HK3: variants seen among roughly 807,000 people sequenced by gnomAD.
The protein encoded by HK3 is hexokinase-3.
HK3 carries 93 observed loss-of-function variants against 91.0 expected under a neutral mutation model. That is an observed-to-expected ratio of 1.02 (90% CI 0.86 to 1.21). HK3 has a LOEUF of 1.21. HK3 is among the 50% of genes most tolerant of loss of function. The pLI is 0.00. For missense variants in HK3, 1,235 were observed against 1,247.4 expected, an observed-to-expected ratio of 0.99 and a Z score of 0.15; for synonymous variants, 519 against 516.9, an observed-to-expected ratio of 1.00 and a Z score of -0.06.
intron 2 of HK3, among the ~76,000 whole-genome samples, chr5:176,894,161 C>A (rs1758849279): frequency 6.6e-6 from 1 of 152,178 alleles, no homozygotes; most frequent in Non-Finnish European, 1.5e-5. Flanking sequence ...GCACACCCAG[C>A]CTGGAGAGCC....
Position 176,881,374 on chromosome 5 carries a change from C to A in HK3, c.2555G>T (p.Arg852Leu). Residue 852 changes from arginine (R) to leucine (L), a missense_variant, in exon 18 of 19, where the codon CGG becomes CTG. This residue lies in a region of HK3 where 513 missense variants were observed against 477.4 expected (regional missense o/e 1.07). Transcript: ENST00000292432. ...AGVAAVVEKI[R>L]ENRGLEELAV... ...CAGCTCTTCCAGGCCCCGGTTCTCC[C>A]GGATCTTCTCCACCACGGCAGCTAC... is the stretch of plus-strand genomic sequence containing the variant. The A allele has an allele frequency of 5.6e-6, 9 of 1,613,944 alleles. No individual in the cohort carries two copies. The highest frequency in any genetic ancestry group is 7.6e-6 in the Non-Finnish European group (9 of 1,180,030).
chr5:176,896,580 T>TAATA (rs1438767709), intron 1 of HK3, among the ~76,000 whole-genome samples: 2 of 152,120 alleles, frequency 1.3e-5, no homozygotes, highest in African/African-American at 4.8e-5. Flanking sequence ...TGGCCACATG[T>TAATA]AATAGATGGA....
chr5:176,897,401 G>A (rs1379191677), intron 1 of HK3, among the ~76,000 whole-genome samples: 2 of 152,104 alleles, frequency 1.3e-5, no homozygotes, highest in Admixed American at 1.3e-4. Context: ...CCCAATATGG[G>A]AAGAGACATC....
chr5:176,888,252 G>T, intron 10 of HK3, 80 bp downstream of exon 10: 1 of 1,214,484 alleles, frequency 8.2e-7, no homozygotes, highest in Non-Finnish European at 1.2e-6. Context: ...TTGCACATGT[G>T]ATCCCAGAGG....
intron 1 of HK3, among the ~76,000 whole-genome samples, chr5:176,896,763 G>T (rs1170732223): frequency 1.3e-5 from 2 of 152,182 alleles, no homozygotes; most frequent in Non-Finnish European, 2.9e-5. Flanking sequence ...GTGGATCTGT[G>T]CTTCAGAAAG....
Position 176,887,548 on chromosome 5 carries a change from C to G in HK3, c.1503G>C (p.Gln501His). The change falls in exon 11 of 19, where the codon CAG (glutamine) becomes CAC (histidine). Residue 501 changes from glutamine (Q) to histidine (H), a missense_variant. By Grantham distance (24) the Gln-to-His change is conservative (BLOSUM62 0). Transcript: ENST00000292432. This position sits in a 1 kb window ranked among gnomAD's most constrained non-coding sequence, Gnocchi z 4.9. Reference protein sequence around the residue: ...RLNHDQLAAVQAQMRKAMAKG... With the variant: ...RLNHDQLAAVHAQMRKAMAKG... ...TGGCCATGGCCTTCCGCATCTGTGC[C>G]TGAACCGCAGCCAGTTGATCATGGT... 1 of 1,613,880 alleles carries G rather than the reference C, an allele frequency of 6.2e-7. No homozygotes were observed. Among genetic ancestry groups the G allele is most frequent in the Non-Finnish European group, 8.5e-7 (1 of 1,180,010 alleles).
intron 6 of HK3, 93 bp downstream of exon 6, chr5:176,890,542 G>A (rs1036138176): frequency 5.8e-6 from 6 of 1,038,104 alleles, no homozygotes; most frequent in Non-Finnish European, 9.0e-6. Context: ...AAGAGAAGAG[G>A]AAAGCAACTC....
rs552646588 is a variant in HK3, at chr5:176,892,943, C to T, written c.97-1393G>A. 6.6e-5 allele frequency among the ~76,000 whole-genome samples: 10 copies of T among 152,330 alleles called. No homozygotes were observed. In the South Asian group the frequency reaches 2.1e-3, roughly 32 times the overall value. ...CACATGCTTCCAGCAGCCATGCCTGCTAGGGGTGCCCATGCCCACTCTATC... is the reference window on the plus strand; with the variant it reads ...CACATGCTTCCAGCAGCCATGCCTGTTAGGGGTGCCCATGCCCACTCTATC... On this transcript the variant is annotated intron_variant, in intron 2 of 18. Transcript: ENST00000292432.
chr5:176,881,123 C>G lies in HK3; in HGVS notation c.2722G>C (p.Ala908Pro). The G allele has an allele frequency of 6.2e-7, 1 of 1,612,914 alleles. No individual in the cohort carries two copies. The highest frequency in any genetic ancestry group is 8.5e-7 in the Non-Finnish European group (1 of 1,179,892). ...QSEDGSGKGA[A>P]LVTAVACRLA... Reference sequence around the variant, plus strand: ...CGGCAGGCAACAGCGGTGACCAGGGCCGCACCTTTGCCGGACCCATCCTCT... The same window carrying G: ...CGGCAGGCAACAGCGGTGACCAGGGGCGCACCTTTGCCGGACCCATCCTCT... The change falls in exon 19 of 19, where the codon GCC becomes CCC. Residue 908 changes from alanine (A) to proline (P), a missense_variant. Transcript: ENST00000292432.
rs932532925 is a variant in HK3 at position 176,891,629 on chromosome 5, C to A, written c.97-79G>T. Reference sequence around the variant, plus strand: ...TCCCCACCTCCAAACAAGGCAGAGGCCTGCCCTGCCCAGCCCACTCCTCGG... The same window carrying A: ...TCCCCACCTCCAAACAAGGCAGAGGACTGCCCTGCCCAGCCCACTCCTCGG... On this transcript the variant is annotated intron_variant, in intron 2 of 18. Transcript: ENST00000292432. 165 of 1,421,092 alleles carry A rather than the reference C, an allele frequency of 1.2e-4. No homozygotes were observed. The Middle Eastern group carries it at 1.8e-3, about 16-fold the overall frequency. 88.0% of individuals were successfully genotyped at this position (1,421,092 alleles called of 1,614,324 possible). A position where few individuals can be genotyped will look rare whatever the true frequency, so the allele number is the denominator to read the frequency against.
At position 176,887,786 on chromosome 5, in the gene HK3, C is replaced by T. The variant is rs1463029992; in HGVS notation, c.1305-40G>A. The T allele has an allele frequency of 1.3e-6, 2 of 1,566,514 alleles. No individual in the cohort carries two copies. Among genetic ancestry groups the T allele is most frequent in the Non-Finnish European group, 1.7e-6 (2 of 1,152,030 alleles). ...AGGTGCACCCGGCTTGGCCCTGGAC[C>T]CCCAGACACACACAGGTGTGCACGG... On this transcript the variant is annotated intron_variant, in intron 10 of 18. Transcript: ENST00000292432. The surrounding 1 kb of genome is among the most constrained non-coding windows in gnomAD (Gnocchi z 4.9).
chr5:176,891,501 T>C lies in HK3; in HGVS notation c.146A>G (p.Gln49Arg). The C allele has an allele frequency of 6.2e-7, 1 of 1,614,172 alleles. No homozygotes were observed. The highest frequency in any genetic ancestry group is 8.5e-7 in the Non-Finnish European group (1 of 1,180,014). ...GGAACCCAAGAGGCTGGCTTGGATC[T>C]GCTGTAGCTGTGCCCTTGTCACCTT... ...QFKVTRAQLQ[Q>R]IQASLLGSME... Residue 49 changes from glutamine to arginine, a missense_variant, in exon 3 of 19, where the codon CAG becomes CGG. Physicochemically the swap from Gln to Arg is conservative, Grantham distance 43. Coordinates refer to ENST00000292432, the MANE Select transcript of HK3 (RefSeq NM_002115.3).
At chr5:176,883,319 C>T (rs1186630226) in intron 15 of HK3, among the ~76,000 whole-genome samples, 1 of 152,172 alleles carries the variant, frequency 6.6e-6, no homozygotes, top group Admixed American at 6.5e-5. Context: ...CGCCCAGCTC[C>T]AAACACCAGG....
At chr5:176,898,668 A>T (rs1288265560) in intron 1 of HK3, among the ~76,000 whole-genome samples, 1 of 152,178 alleles carries the variant, frequency 6.6e-6, no homozygotes, top group African/African-American at 2.4e-5. Context: ...CTTCCCACTG[A>T]GATTCCCTGT....
At chr5:176,886,950 G>T (rs1183457501) in intron 13 of HK3, 52 bp downstream of exon 13, 4 of 1,606,266 alleles carry the variant, frequency 2.5e-6, no homozygotes, top group African/African-American at 1.3e-5. Context: ...TCCATGAAGG[G>T]TATGTGGGGG....
intron 1 of HK3, 126 bp from the exon 2 acceptor site, chr5:176,896,311 C>T: frequency 2.0e-6 from 1 of 488,038 alleles, no homozygotes; most frequent in South Asian, 3.5e-5. Context: ...AATTCAGAAC[C>T]TCCAACCATC....
intron 2 of HK3, among the ~76,000 whole-genome samples, chr5:176,895,512 G>A (rs1758888801): frequency 6.6e-6 from 1 of 152,218 alleles, no homozygotes; most frequent in African/African-American, 2.4e-5. Context: ...GCTCAAGGGT[G>A]TGGTATGAGA....
chr5:176,888,441 A>G lies in HK3; in HGVS notation c.1195T>C (p.Cys399Arg), dbSNP rs755294955. Residue 399 changes from cysteine to arginine, a missense_variant, in exon 10 of 19, where the codon TGT becomes CGT. Physicochemically the swap from Cys to Arg is radical, Grantham distance 180. Coordinates refer to ENST00000292432, the MANE Select transcript of HK3 (RefSeq NM_002115.3). Reference protein sequence around the residue: ...AAVCTRAAQLCAAALAAVLSC... With the variant: ...AAVCTRAAQLRAAALAAVLSC... ...AGAACAGCGGCCAGGGCGGCAGCAC[A>G]GAGCTGGGCAGCCCGCGTGCACACG... 18 of 1,557,550 alleles carry G rather than the reference A, an allele frequency of 1.2e-5. 1 individual carries two copies. In the East Asian group the frequency reaches 4.1e-4, roughly 35 times the overall value.
At chr5:176,883,950 C>T in intron 14 of HK3, 81 bp from the exon 15 acceptor site, 5 of 1,581,914 alleles carry the variant, frequency 3.2e-6, no homozygotes, top group Non-Finnish European at 4.3e-6. Context: ...GTCTCTACCG[C>T]AGAGGGCTCC....
Sources: gnomAD v4.1 joint callset for allele counts (sites outside exome capture counted in the v4.1 genomes callset) on GRCh38, gnomAD v4.1.1 for gene constraint, gnomAD v4.1.1 regional missense constraint, Gnocchi (gnomAD v3.1) non-coding constraint, MANE v1.5 for transcripts, NCBI Gene and HGNC (gene_info 2026-07-23, HGNC 2026-07-21) for gene names.